The following KNDC1 variants were observed in gnomAD, a reference collection of about 807,000 sequenced individuals.
The protein encoded by KNDC1 is kinase non-catalytic C-lobe domain containing 1, also known as kinase non-catalytic C-lobe domain-containing protein 1.
A neutral mutation model predicts 172.8 loss-of-function variants in KNDC1; 106 were observed. The observed-to-expected ratio is 0.61, with a 90% CI of 0.52 to 0.72. The LOEUF (loss-of-function observed/expected upper bound fraction) is 0.72, where lower values mean the gene tolerates loss of function less well. KNDC1 is among the 30% of genes least tolerant of loss of function. KNDC1 has a pLI of 0.00. For missense variants in KNDC1, 2,325 were observed against 2,394.5 expected, an observed-to-expected ratio of 0.97 and a Z score of 0.61; for synonymous variants, 1,083 against 1,062.2, an observed-to-expected ratio of 1.02 and a Z score of -0.38.
intron 3 of KNDC1, among the ~76,000 whole-genome samples, chr10:133,170,280 TC>T (rs1297183704): frequency 6.6e-6 from 1 of 152,100 alleles, no homozygotes; most frequent in Non-Finnish European, 1.5e-5. Context: ...TTCCTGGAAC[TC>T]CCCCAACTGC....
rs748259521 is a variant in KNDC1, at chr10:133,160,613, G to A, written c.102+44G>A. ...TGGGGGGCCCCTTCCGCCGCCGAGG[G>A]GTCCGCGGAGAGCGCCCGGGGGGAG... On this transcript the variant is annotated intron_variant, in intron 1 of 29. Coordinates refer to ENST00000304613, the MANE Select transcript of KNDC1 (RefSeq NM_152643.8). 3 of 1,403,760 alleles carry A rather than the reference G, an allele frequency of 2.1e-6. No individual in the cohort carries two copies. The South Asian group carries it at 3.8e-5, about 18-fold the overall frequency. 87.0% of individuals were successfully genotyped at this position (1,403,760 alleles called of 1,614,324 possible).
In KNDC1 at chr10:133,221,172, T is replaced by A. The variant is rs137902674; in HGVS notation, c.5018+1060T>A. Reference sequence around the variant, plus strand: ...CCCGGCAGCAACCTGTCCTGACCGCTGGGTGCCACAGTGTCCCTGCTCCCC... The same window carrying A: ...CCCGGCAGCAACCTGTCCTGACCGCAGGGTGCCACAGTGTCCCTGCTCCCC... On this transcript the variant is annotated intron_variant, in intron 29 of 29. Coordinates refer to ENST00000304613, the MANE Select transcript of KNDC1 (RefSeq NM_152643.8). 1.1e-4 allele frequency among the ~76,000 whole-genome samples: 16 copies of A among 152,162 alleles called. No homozygotes were observed. In the East Asian group the frequency reaches 3.1e-3, roughly 30 times the overall value.
At chr10:133,169,480 T>G (rs907173252) in intron 3 of KNDC1, among the ~76,000 whole-genome samples, 3 of 152,144 alleles carry the variant, frequency 2.0e-5, no homozygotes, top group Non-Finnish European at 4.4e-5. Flanking sequence ...AAAGAAGAGT[T>G]TTGGGATGGC....
intron 1 of KNDC1, among the ~76,000 whole-genome samples, chr10:133,166,749 G>GA (rs142632830): frequency 1.2e-5 from 1 of 85,208 alleles, no homozygotes; most frequent in Non-Finnish European, 3.0e-5. Flanking sequence ...GCATGTGCAT[G>GA]GGGGGGGTGT....
Position 133,197,147 on chromosome 10 carries a change from C to G in KNDC1, c.1812+12C>G, listed in dbSNP as rs774627656. ...CTTCCATCTGCCAGGTGGGCTAGAA[C>G]AGCCAGGCCGCCGCCTCCTCCGCCG... is the stretch of plus-strand genomic sequence containing the variant. On this transcript the variant is annotated intron_variant, in intron 11 of 29. Transcript: ENST00000304613. 5 of 1,609,144 alleles carry G rather than the reference C, an allele frequency of 3.1e-6. No homozygotes were observed. Among genetic ancestry groups the G allele is most frequent in the Non-Finnish European group, 4.2e-6 (5 of 1,176,894 alleles).
chr10:133,167,010 G>A (rs1303996511), intron 1 of KNDC1, among the ~76,000 whole-genome samples: 2 of 152,126 alleles, frequency 1.3e-5, no homozygotes, highest in Non-Finnish European at 2.9e-5. Flanking sequence ...CCGTCGCCTC[G>A]CTCATCTGTT....
intron 29 of KNDC1, among the ~76,000 whole-genome samples, chr10:133,221,329 T>C (rs1589778973): frequency 6.6e-6 from 1 of 152,098 alleles, no homozygotes; most frequent in African/African-American, 2.4e-5. Flanking sequence ...AGGCGCAGAC[T>C]GGGGCTGGCT....
chr10:133,160,648 G>GCTCACAGCCCCTCCC, intron 1 of KNDC1, 79 bp downstream of exon 1: 1 of 961,292 alleles, frequency 1.0e-6, no homozygotes, highest in Non-Finnish European at 1.5e-6. Flanking sequence ...GGACCCGGGA[G>GCTCACAGCCCCTCCC]GGGCTGTGAG....
chr10:133,218,382 G>T (rs142949510), intron 26 of KNDC1, among the ~76,000 whole-genome samples: 2 of 152,198 alleles, frequency 1.3e-5, no homozygotes, highest in Non-Finnish European at 2.9e-5. Flanking sequence ...CACCCACCCC[G>T]GACTGCACCC....
intron 1 of KNDC1, among the ~76,000 whole-genome samples, chr10:133,166,450 C>T (rs1035475412): frequency 2.7e-5 from 4 of 146,758 alleles, no homozygotes; most frequent in Non-Finnish European, 4.6e-5. Flanking sequence ...TGGGTGTGTG[C>T]GGGTGTGCAT....
In KNDC1 at chr10:133,186,342, C is replaced by T. The variant is rs1589750504; in HGVS notation, c.994C>T (p.Pro332Ser). The change falls in exon 6 of 30, where the codon CCC becomes TCC. Residue 332 changes from proline (P) to serine (S), a missense_variant. Physicochemically the swap from Pro to Ser is moderately conservative, Grantham distance 74 (BLOSUM62 -1). Transcript: ENST00000304613. ...GCTGACCCGCGGGAAAAGCCAGCTGCCCATATCGGAATTATTCTCTCCGGA... is the reference window on the plus strand; with the variant it reads ...GCTGACCCGCGGGAAAAGCCAGCTGTCCATATCGGAATTATTCTCTCCGGA... ...LPLTRGKSQLPISELFSPDPR... is the reference protein window; with the variant it reads ...LPLTRGKSQLSISELFSPDPR... 6.2e-7 allele frequency: 1 copy of T among 1,612,718 alleles called. No individual in the cohort carries two copies. Among genetic ancestry groups the T allele is most frequent in the Non-Finnish European group, 8.5e-7 (1 of 1,179,954 alleles).
chr10:133,162,953 T>A (rs890997957), intron 1 of KNDC1, among the ~76,000 whole-genome samples: 1 of 152,168 alleles, frequency 6.6e-6, no homozygotes, highest in African/African-American at 2.4e-5. Flanking sequence ...AGTGACCAGG[T>A]TGGATCCCAG....
At chr10:133,202,538 T>C (rs373428582) in intron 17 of KNDC1, 19 of 447,096 alleles carry the variant, frequency 4.2e-5, no homozygotes, top group African/African-American at 3.6e-4. Flanking sequence ...GACTCCAGGG[T>C]GGATGACAGG....
chr10:133,184,752 C>T (rs952594960), intron 5 of KNDC1, among the ~76,000 whole-genome samples: 3 of 152,414 alleles, frequency 2.0e-5, no homozygotes, highest in Non-Finnish European at 2.9e-5. Context: ...GACTCAGGCT[C>T]AGCTTCAGAA....
chr10:133,191,242 A>G (rs11101627), intron 9 of KNDC1, among the ~76,000 whole-genome samples: 9 of 51,852 alleles, frequency 1.7e-4, no homozygotes, highest in South Asian at 1.3e-3. Context: ...GTGGTGGCAC[A>G]TGCCTGTAAT....
chr10:133,210,364 C>CAAAA (rs57759593), intron 20 of KNDC1, among the ~76,000 whole-genome samples: 3 of 74,466 alleles, frequency 4.0e-5, no homozygotes, highest in Non-Finnish European at 5.6e-5. Context: ...GAAACTCTGC[C>CAAAA]AAAAAAAAAA....
intron 29 of KNDC1, 114 bp downstream of exon 29, chr10:133,220,226 C>A: frequency 2.3e-6 from 1 of 429,338 alleles, no homozygotes; most frequent in Non-Finnish European, 3.6e-6. Flanking sequence ...GGGGCTCAGG[C>A]GGCCGCGCGC....
rs199802194 is a variant in KNDC1, at chr10:133,201,638, G to A, written c.3127G>A (p.Glu1043Lys). The stretch of plus-strand genomic sequence containing the variant: ...TCGGCCTCAGAGGTCCGTAAAAGCC[G>A]AGAGAGCGCAGCAGCCTGAGGCTGG... ...GFRPQRSVKA[E>K]RAQQPEAGED... is the part of the protein sequence containing the mutation. Residue 1043 changes from glutamate to lysine, a missense_variant, in exon 17 of 30, where the codon GAG becomes AAG. Glu to Lys is a moderately conservative substitution (Grantham distance 56, BLOSUM62 1). Coordinates refer to ENST00000304613, the MANE Select transcript of KNDC1 (RefSeq NM_152643.8). 1.4e-4 allele frequency: 221 copies of A among 1,613,118 alleles called. No individual in the cohort carries two copies. Among genetic ancestry groups the A allele is most frequent in the South Asian group, 5.4e-4 (49 of 91,086 alleles).
chr10:133,188,767 C>T, intron 7 of KNDC1, 114 bp downstream of exon 7: 1 of 588,084 alleles, frequency 1.7e-6, no homozygotes, highest in South Asian at 1.8e-5. Context: ...CCCACGCCCC[C>T]CCACTGTCCC....
Sources: gnomAD v4.1 joint callset for allele counts (sites outside exome capture counted in the v4.1 genomes callset) on GRCh38, gnomAD v4.1.1 for gene constraint, MANE v1.5 for transcripts, NCBI Gene and HGNC (gene_info 2026-07-23, HGNC 2026-07-21) for gene names.